PSME4: variants seen among roughly 807,000 people sequenced by gnomAD.
The protein encoded by PSME4 is proteasome activator subunit 4.
A neutral mutation model predicts 253.9 loss-of-function variants in PSME4; 89 were observed. That is an observed-to-expected ratio of 0.35 (90% CI 0.30 to 0.42). The LOEUF (loss-of-function observed/expected upper bound fraction) is 0.42. PSME4 is among the 10% of genes least tolerant of loss of function. The pLI, the probability that PSME4 is intolerant of heterozygous loss-of-function variation, is 1.00. For missense variants in PSME4, 2,014 were observed against 2,195.2 expected (o/e 0.92, Z 1.65); for synonymous variants, 851 against 759.2 (o/e 1.12, Z -1.99).
chr2:53,926,130 A>G (rs1668545922), intron 12 of PSME4, 107 bp from the exon 13 acceptor site: 2 of 810,812 alleles, frequency 2.5e-6, no homozygotes, highest in African/African-American at 3.4e-5. Context: ...CTAAACCATT[A>G]TATTGGGTAC....
chr2:53,918,957 C>T (rs1573287859), intron 20 of PSME4, among the ~76,000 whole-genome samples, 194 bp downstream of exon 20: 1 of 151,978 alleles, frequency 6.6e-6, no homozygotes, highest in East Asian at 1.9e-4. Flanking sequence ...ATCCTGGTAC[C>T]ATGTGAAAAT....
Position 53,901,558 on chromosome 2 carries a change from C to A in PSME4, c.3077G>T (p.Gly1026Val). ...ATTTCCAAGGAGACAGTACAAGGCA[C>A]CCTGCAGAAAAAAAAATATATATAT... Reference protein sequence around the residue: ...RQGVTQQQFKGALYCLLGNHS... With the variant: ...RQGVTQQQFKVALYCLLGNHS... The change falls in exon 28 of 47, where the codon GGT becomes GTT. Residue 1026 changes from glycine to valine, a missense_variant and splice_region_variant. Gly to Val is a moderately radical substitution (Grantham distance 109, BLOSUM62 -3). Around this residue, in one of 4 missense-constraint regions of PSME4, gnomAD observed 989 missense variants for 1,021.1 expected, o/e 0.97. Transcript: ENST00000404125. 6.3e-7 allele frequency: 1 copy of A among 1,592,808 alleles called. No individual in the cohort carries two copies. The highest frequency in any genetic ancestry group is 8.6e-7 in the Non-Finnish European group (1 of 1,167,058).
chr2:53,887,366 A>G lies in PSME4; in HGVS notation c.4622T>C (p.Leu1541Ser). Residue 1541 changes from leucine to serine, a missense_variant, in exon 40 of 47, where the codon TTG becomes TCG. Physicochemically the swap from Leu to Ser is moderately radical, Grantham distance 145. Coordinates refer to ENST00000404125, the MANE Select transcript of PSME4 (RefSeq NM_014614.3). ...PEFTARILEK[L>S]KPLMDVDEEI... Reference sequence around the variant, plus strand: ...TTCATCCACATCCATGAGAGGTTTCAATTTCTCCAGAATTCGAGCAGTAAA... The same window carrying G: ...TTCATCCACATCCATGAGAGGTTTCGATTTCTCCAGAATTCGAGCAGTAAA... 1 of 1,613,856 alleles carries G rather than the reference A, an allele frequency of 6.2e-7. No individual in the cohort carries two copies. The highest frequency in any genetic ancestry group is 8.5e-7 in the Non-Finnish European group (1 of 1,179,766).
intron 41 of PSME4, among the ~76,000 whole-genome samples, chr2:53,879,798 T>C (rs1252218367): frequency 3.0e-5 from 2 of 65,968 alleles, no homozygotes; most frequent in Admixed American, 1.5e-4. Context: ...CAAGACCCTG[T>C]CTCAAAAAAA....
At chr2:53,952,663 C>A (rs1670051943) in intron 1 of PSME4, among the ~76,000 whole-genome samples, 1 of 152,220 alleles carries the variant, frequency 6.6e-6, no homozygotes. Context: ...CAGTCCCCAA[C>A]CTTTTTGGTA....
chr2:53,968,597 A>C (rs1050822691), intron 1 of PSME4, among the ~76,000 whole-genome samples: 1 of 152,208 alleles, frequency 6.6e-6, no homozygotes, highest in Non-Finnish European at 1.5e-5. Flanking sequence ...CCGCATTCAA[A>C]ATGTCTCATA....
At chr2:53,913,554 A>G (rs968888746) in intron 20 of PSME4, among the ~76,000 whole-genome samples, 1 of 152,212 alleles carries the variant, frequency 6.6e-6, no homozygotes, top group African/African-American at 2.4e-5. Flanking sequence ...AAATAAACAT[A>G]AAAGATGTAA....
intron 6 of PSME4, 96 bp from the exon 7 acceptor site, chr2:53,936,257 A>G: frequency 1.3e-6 from 2 of 1,539,286 alleles, no homozygotes; most frequent in Non-Finnish European, 1.7e-6. Flanking sequence ...TTTGGCAATC[A>G]TTAGTGCAAT....
At chr2:53,940,038 A>G in intron 3 of PSME4, 38 bp from the exon 4 acceptor site, 1 of 1,440,322 alleles carries the variant, frequency 6.9e-7, no homozygotes, top group Non-Finnish European at 9.6e-7. Context: ...AGATTGGTGT[A>G]TTTTAAGAAC....
intron 44 of PSME4, 71 bp downstream of exon 44, chr2:53,869,305 A>C (rs1678752737): frequency 7.2e-7 from 1 of 1,382,338 alleles, no homozygotes; most frequent in African/African-American, 1.4e-5. Flanking sequence ...TTATTCAATA[A>C]ATATGAGTAA....
At chr2:53,905,895 CAT>C (rs1030368039) in intron 26 of PSME4, among the ~76,000 whole-genome samples, 9 of 152,118 alleles carry the variant, frequency 5.9e-5, no homozygotes, top group Admixed American at 2.0e-4. Flanking sequence ...CATTTTGAAA[CAT>C]GTGGATTATA....
chr2:53,937,266 A>G (rs1669168416), intron 5 of PSME4, 125 bp downstream of exon 5: 4 of 922,696 alleles, frequency 4.3e-6, no homozygotes, highest in African/African-American at 1.7e-5. Flanking sequence ...CAAGTATAAT[A>G]AACTTGAAGT....
At chr2:53,948,635 A>G in intron 2 of PSME4, 98 bp from the exon 3 acceptor site, 1 of 792,610 alleles carries the variant, frequency 1.3e-6, no homozygotes, top group Non-Finnish European at 2.1e-6. Flanking sequence ...ATTGCTGCTC[A>G]TCACCATGGG....
At chr2:53,931,276 AAAAAG>A (rs1475176998) in intron 10 of PSME4, among the ~76,000 whole-genome samples, 6 of 152,218 alleles carry the variant, frequency 3.9e-5, no homozygotes, top group South Asian at 2.1e-4. Context: ...ATCTCAAAAA[AAAAAG>A]AAAAGTAGCT....
intron 1 of PSME4, among the ~76,000 whole-genome samples, chr2:53,959,769 T>C (rs1670398908): frequency 6.6e-6 from 1 of 152,140 alleles, no homozygotes; most frequent in Non-Finnish European, 1.5e-5. Flanking sequence ...TTTCATAAAC[T>C]CACCTCCCCT....
intron 36 of PSME4, among the ~76,000 whole-genome samples, chr2:53,891,285 T>G (rs1223494225): frequency 6.6e-6 from 1 of 152,164 alleles, no homozygotes; most frequent in Non-Finnish European, 1.5e-5. Flanking sequence ...ACACATAGAT[T>G]TTCTCATAGG....
intron 2 of PSME4, 134 bp downstream of exon 2, chr2:53,949,009 T>G: frequency 8.3e-7 from 1 of 1,200,910 alleles, no homozygotes; most frequent in East Asian, 2.5e-5. Flanking sequence ...AAAATTAAGA[T>G]AATGTTTTTT....
chr2:53,896,785 T>C lies in PSME4; in HGVS notation c.3688+19A>G. ...AGTTTTATTGGAAAGCACTATTAAT[T>C]ACTTCTGGTAGTACTCACTGATTTC... On this transcript the variant is annotated intron_variant, in intron 32 of 46. Transcript: ENST00000404125. The C allele has an allele frequency of 1.3e-6, 2 of 1,565,224 alleles. No individual in the cohort carries two copies. Among genetic ancestry groups the C allele is most frequent in the Admixed American group, 3.4e-5 (2 of 59,454 alleles).
chr2:53,879,727 G>A (rs1018580997), intron 41 of PSME4, among the ~76,000 whole-genome samples: 6 of 148,722 alleles, frequency 4.0e-5, no homozygotes, highest in Admixed American at 6.8e-5. Flanking sequence ...CCTTGAGCCC[G>A]GGAGACTGAG....
Sources: allele counts gnomAD v4.1 joint callset (sites outside exome capture counted in the v4.1 genomes callset), GRCh38; gene constraint gnomAD v4.1.1; regional missense constraint gnomAD v4.1.1; transcripts MANE v1.5; gene names NCBI Gene and HGNC (gene_info 2026-07-23, HGNC 2026-07-21).